LOC128706665: variants seen among roughly 807,000 people sequenced by gnomAD.
At chr20:10,422,478 G>A in the LOC128706665 span, among the ~76,000 whole-genome samples, 1 of 152,072 alleles carries the variant, frequency 6.6e-6, no homozygotes, top group Admixed American at 6.6e-5. Flanking sequence ...TAAAATAACT[G>A]GGGGAGGAAT....
At chr20:10,423,488 T>C in the LOC128706665 span, among the ~76,000 whole-genome samples, 43 of 152,288 alleles carry the variant, frequency 2.8e-4, no homozygotes, top group African/African-American at 9.9e-4. Flanking sequence ...AATTGAGATT[T>C]GTAACTCAAG....
At chr20:10,424,779 C>T in the LOC128706665 span, among the ~76,000 whole-genome samples, 4 of 151,966 alleles carry the variant, frequency 2.6e-5, no homozygotes, top group Non-Finnish European at 5.9e-5. Context: ...GAGCAGGGCA[C>T]GGTGGCTCAT....
At chr20:10,433,446 C>T in the LOC128706665 span, among the ~76,000 whole-genome samples, 1 of 152,202 alleles carries the variant, frequency 6.6e-6, no homozygotes. Flanking sequence ...TATCTACTAA[C>T]TCGGCAGTGC....
chr20:10,426,239 C>T, the LOC128706665 span, among the ~76,000 whole-genome samples: 1 of 152,208 alleles, frequency 6.6e-6, no homozygotes, highest in African/African-American at 2.4e-5. Flanking sequence ...TTGCCTAGTA[C>T]TCTACTAAGC....
chr20:10,431,385 T>C, the LOC128706665 span, among the ~76,000 whole-genome samples: 1 of 152,272 alleles, frequency 6.6e-6, no homozygotes, highest in South Asian at 2.1e-4. Context: ...TTAGTGTCTA[T>C]TAGGTGCTAG....
chr20:10,426,418 C>CT, the LOC128706665 span, among the ~76,000 whole-genome samples: 5 of 152,106 alleles, frequency 3.3e-5, no homozygotes, highest in East Asian at 7.7e-4. Context: ...GTTCTTTTTT[C>CT]TTTTTTTGGG....
At chr20:10,415,634 A>T in the LOC128706665 span, among the ~76,000 whole-genome samples, 1 of 152,244 alleles carries the variant, frequency 6.6e-6, no homozygotes, top group African/African-American at 2.4e-5. Flanking sequence ...TGAGAAATAC[A>T]TTTAAATGAA....
At chr20:10,418,198 A>G in the LOC128706665 span, among the ~76,000 whole-genome samples, 2 of 152,252 alleles carry the variant, frequency 1.3e-5, no homozygotes, top group African/African-American at 4.8e-5. Flanking sequence ...GATTTGATTT[A>G]AAATATTCTA....
At chr20:10,433,184 T>G in the LOC128706665 span, among the ~76,000 whole-genome samples, 8,962 of 152,312 alleles carry the variant, frequency 0.059, 326 homozygotes, top group East Asian at 0.19. Context: ...TTTTGTACTT[T>G]TAGCAGAGAC....
At chr20:10,432,505 G>A in the LOC128706665 span, among the ~76,000 whole-genome samples, 1,840 of 152,210 alleles carry the variant, frequency 0.012, 35 homozygotes, top group African/African-American at 0.042. Context: ...TAAAAATTGT[G>A]TAGTAGGCCA....
At chr20:10,419,814 A>G in the LOC128706665 span, among the ~76,000 whole-genome samples, 1 of 152,218 alleles carries the variant, frequency 6.6e-6, no homozygotes. Flanking sequence ...CATGCTACTC[A>G]GAAAGGTGCA....
chr20:10,417,671 TAAA>T, the LOC128706665 span, among the ~76,000 whole-genome samples: 1 of 150,524 alleles, frequency 6.6e-6, no homozygotes, highest in South Asian at 2.1e-4. Context: ...GCCTTCTCTG[TAAA>T]AAAAAAAAAT....
chr20:10,418,580 T>TA, the LOC128706665 span, among the ~76,000 whole-genome samples: 2 of 152,170 alleles, frequency 1.3e-5, no homozygotes, highest in East Asian at 1.9e-4. Flanking sequence ...TGTTAGCCTC[T>TA]AAAACTTTTA....
At chr20:10,415,730 G>A in the LOC128706665 span, among the ~76,000 whole-genome samples, 1 of 152,088 alleles carries the variant, frequency 6.6e-6, no homozygotes, top group Non-Finnish European at 1.5e-5. Context: ...TAAGAAAATC[G>A]TTTTTCTAGT....
the LOC128706665 span, among the ~76,000 whole-genome samples, chr20:10,421,389 A>T: frequency 6.6e-6 from 1 of 150,432 alleles, no homozygotes; most frequent in Non-Finnish European, 1.5e-5. Context: ...ATGCCACTGC[A>T]CTAGGCAACA....
At chr20:10,427,102 G>C in the LOC128706665 span, among the ~76,000 whole-genome samples, 1 of 138,936 alleles carries the variant, frequency 7.2e-6, no homozygotes, top group Non-Finnish European at 1.5e-5. Context: ...AGGGCAAAAA[G>C]GCAAGCAAGC....
the LOC128706665 span, among the ~76,000 whole-genome samples, chr20:10,433,577 C>T: frequency 4.6e-4 from 70 of 152,314 alleles, 1 homozygote; most frequent in East Asian, 4.4e-3. Flanking sequence ...GGGAGGAAGA[C>T]GAGCATGACC....
chr20:10,415,898 T>C, the LOC128706665 span, among the ~76,000 whole-genome samples: 1 of 151,996 alleles, frequency 6.6e-6, no homozygotes, highest in African/African-American at 2.4e-5. Flanking sequence ...TGGTAGTGAC[T>C]CCCAAATCAT....
chr20:10,421,312 T>G, the LOC128706665 span, among the ~76,000 whole-genome samples: 2 of 151,308 alleles, frequency 1.3e-5, no homozygotes, highest in African/African-American at 4.9e-5. Flanking sequence ...TAATCCTAGC[T>G]ACTCTGGAGG....
Sources: allele counts gnomAD v4.1 joint callset (sites outside exome capture counted in the v4.1 genomes callset), GRCh38; gene constraint gnomAD v4.1.1; transcripts MANE v1.5.